PCSK5: variants seen among roughly 807,000 people sequenced by gnomAD.
PCSK5 encodes prohormone convertase 5.
A neutral mutation model predicts 233.2 loss-of-function variants in PCSK5; 129 were observed. The ratio of observed to expected loss-of-function variants is 0.55; its 90% CI spans 0.48 to 0.64. The LOEUF (loss-of-function observed/expected upper bound fraction) is 0.64, where lower values mean the gene tolerates loss of function less well. PCSK5 is among the 30% of genes least tolerant of loss of function. The pLI, the probability that PCSK5 is intolerant of heterozygous loss-of-function variation, is 0.00. For missense variants in PCSK5, 2,076 were observed against 2,430.1 expected (o/e 0.85, Z 3.06); for synonymous variants, 825 against 879.2 (o/e 0.94, Z 1.09).
intron 8 of PCSK5, among the ~76,000 whole-genome samples, chr9:76,101,582 CT>C (rs1175649347): frequency 1.3e-5 from 2 of 152,074 alleles, no homozygotes; most frequent in African/African-American, 4.8e-5. Context: ...CAGACTTTGA[CT>C]TTTTTCCCCC....
chr9:75,995,916 A>G (rs1827001872), intron 3 of PCSK5, among the ~76,000 whole-genome samples: 1 of 151,982 alleles, frequency 6.6e-6, no homozygotes, highest in African/African-American at 2.4e-5. Flanking sequence ...AGTAATCATA[A>G]TTTTCTGTGA....
intron 27 of PCSK5, among the ~76,000 whole-genome samples, chr9:76,297,256 T>C (rs1184959843): frequency 6.6e-6 from 1 of 152,230 alleles, no homozygotes; most frequent in African/African-American, 2.4e-5. Flanking sequence ...CATGTCCTTT[T>C]TACAGTAAAG....
intron 24 of PCSK5, among the ~76,000 whole-genome samples, chr9:76,243,648 G>C (rs1409540689): frequency 6.6e-6 from 1 of 152,110 alleles, no homozygotes; most frequent in African/African-American, 2.4e-5. Context: ...ACCTTTTAGA[G>C]GTGACTAGTG....
intron 3 of PCSK5, among the ~76,000 whole-genome samples, chr9:76,012,428 C>A (rs901930252): frequency 1.3e-5 from 2 of 152,140 alleles, no homozygotes; most frequent in African/African-American, 2.4e-5. Flanking sequence ...GTATGGGAGG[C>A]CCCAAGTGAA....
chr9:76,096,913 T>A (rs1831539182), intron 8 of PCSK5, among the ~76,000 whole-genome samples: 1 of 151,670 alleles, frequency 6.6e-6, no homozygotes, highest in African/African-American at 2.4e-5. Flanking sequence ...AAAGGTGCAT[T>A]TCTTTATTTT....
chr9:75,900,602 C>A (rs1825983864), intron 1 of PCSK5, among the ~76,000 whole-genome samples: 1 of 150,546 alleles, frequency 6.6e-6, no homozygotes, highest in African/African-American at 2.4e-5. Context: ...TTGCTTGAGC[C>A]CGGGAGGCTG....
intron 5 of PCSK5, among the ~76,000 whole-genome samples, chr9:76,054,476 G>T (rs566919750): frequency 6.6e-6 from 1 of 152,172 alleles, no homozygotes; most frequent in Admixed American, 6.5e-5. Flanking sequence ...CAAAGATCTA[G>T]GCAGGGAAGG....
chr9:76,203,252 C>G (rs918427878), intron 20 of PCSK5, among the ~76,000 whole-genome samples: 4 of 151,954 alleles, frequency 2.6e-5, no homozygotes, highest in African/African-American at 9.7e-5. Flanking sequence ...GCTTTAGGAC[C>G]CTGCCACTAA....
Position 76,009,550 on chromosome 9 carries a change from C to T in PCSK5, c.412-14188C>T, listed in dbSNP as rs1280865463. 3.3e-5 allele frequency among the ~76,000 whole-genome samples: 5 copies of T among 151,504 alleles called. No homozygotes were observed. In the South Asian group the frequency reaches 8.3e-4, roughly 25 times the overall value. On this transcript the variant is annotated intron_variant, in intron 3 of 37. Coordinates refer to ENST00000674117, the MANE Select transcript of PCSK5 (RefSeq NM_001372043.1). ...GCTGAGGCAGGAGAATCACTTGAAC[C>T]CGGGAGGCGGAGGTTGCAGTGAGCC... is the stretch of plus-strand genomic sequence containing the variant.
intron 8 of PCSK5, among the ~76,000 whole-genome samples, chr9:76,107,004 A>T (rs776066800): frequency 7.9e-5 from 12 of 152,190 alleles, no homozygotes; most frequent in Non-Finnish European, 1.8e-4. Context: ...TTCATCCATA[A>T]GCTCACCCTG....
chr9:76,340,117 A>T (rs1829787585), intron 35 of PCSK5, among the ~76,000 whole-genome samples: 1 of 152,090 alleles, frequency 6.6e-6, no homozygotes, highest in African/African-American at 2.4e-5. Flanking sequence ...TCTGTAATAC[A>T]CTGCTTTATC....
At chr9:76,284,827 T>C (rs1357470766) in intron 24 of PCSK5, among the ~76,000 whole-genome samples, 2 of 152,092 alleles carry the variant, frequency 1.3e-5, no homozygotes, top group Non-Finnish European at 2.9e-5. Flanking sequence ...CCACTGCGCC[T>C]GGCCAAACCT....
chr9:76,295,400 T>A lies in PCSK5; in HGVS notation c.3311T>A (p.Phe1104Tyr), dbSNP rs1450849468. Reference sequence around the variant, plus strand: ...GGGTGTTACTGGTGTGAAGAGGGCTTCTTTCTCTTAGGTAAGTTAGAAAAT... The same window carrying A: ...GGGTGTTACTGGTGTGAAGAGGGCTACTTTCTCTTAGGTAAGTTAGAAAAT... ...QNGCYWCEEG[F>Y]FLLGGSCVRK... Residue 1104 changes from phenylalanine (F) to tyrosine (Y), a missense_variant, in exon 26 of 38, where the codon TTC (phenylalanine) becomes TAC (tyrosine). Coordinates refer to ENST00000674117, the MANE Select transcript of PCSK5 (RefSeq NM_001372043.1). 1 of 1,612,382 alleles carries A rather than the reference T, an allele frequency of 6.2e-7. No homozygotes were observed. The highest frequency in any genetic ancestry group is 1.1e-5 in the South Asian group (1 of 90,954).
chr9:76,184,526 C>G, intron 16 of PCSK5, 147 bp from the exon 17 acceptor site: 1 of 525,250 alleles, frequency 1.9e-6, no homozygotes, highest in African/African-American at 1.9e-5. Flanking sequence ...GAAATGATAA[C>G]AAATAGTGAT....
intron 27 of PCSK5, among the ~76,000 whole-genome samples, chr9:76,299,651 A>ACAC (rs146816779): frequency 0.02 from 3,076 of 152,258 alleles, 109 homozygotes; most frequent in African/African-American, 0.068. Flanking sequence ...CAGCCTGGGC[A>ACAC]ACAGAGAGAC....
At chr9:76,116,985 T>C (rs1035817768) in intron 9 of PCSK5, among the ~76,000 whole-genome samples, 1 of 134,946 alleles carries the variant, frequency 7.4e-6, no homozygotes, top group Non-Finnish European at 1.7e-5. Flanking sequence ...TAGTGAGATA[T>C]CGCGCCAACA....
chr9:76,243,195 A>G (rs188223626), intron 24 of PCSK5, among the ~76,000 whole-genome samples: 1 of 152,314 alleles, frequency 6.6e-6, no homozygotes, highest in Non-Finnish European at 1.5e-5. Context: ...GATTTACTTG[A>G]TTTACTTTAC....
chr9:75,893,509 G>C (rs1825692764), intron 1 of PCSK5, among the ~76,000 whole-genome samples: 1 of 152,090 alleles, frequency 6.6e-6, no homozygotes, highest in South Asian at 2.1e-4. Context: ...TAGCTTTCTT[G>C]ACTTTAACAA....
intron 2 of PCSK5, among the ~76,000 whole-genome samples, chr9:75,979,302 G>T (rs1252267451): frequency 2.6e-5 from 4 of 152,176 alleles, no homozygotes; most frequent in African/African-American, 4.8e-5. Context: ...AGCATCACAA[G>T]GGTACTACCT....
Sources: allele counts gnomAD v4.1 joint callset (sites outside exome capture counted in the v4.1 genomes callset), GRCh38; gene constraint gnomAD v4.1.1; transcripts MANE v1.5; gene names NCBI Gene and HGNC (gene_info 2026-07-23, HGNC 2026-07-21).